Variants in ACOXL observed in about 807,000 individuals in gnomAD.
ACOXL encodes the protein acyl-coenzyme A oxidase-like protein.
ACOXL carries 70 observed loss-of-function variants against 71.9 expected under a neutral mutation model. The observed-to-expected ratio is 0.97, with a 90% CI of 0.80 to 1.19. The LOEUF (loss-of-function observed/expected upper bound fraction) is 1.19. Ranked by LOEUF, ACOXL falls within the 50% of genes most tolerant of loss-of-function variation. The probability of loss-of-function intolerance (pLI) is 0.00; values close to 1 mark genes in which losing one functional copy is unlikely to be tolerated. For synonymous variants in ACOXL, 253 were observed against 281.6 expected (o/e 0.90, Z 1.02); for missense variants, 703 against 736.3 (o/e 0.95, Z 0.52).
At chr2:110,909,838 A>G (rs996028013) in intron 11 of ACOXL, among the ~76,000 whole-genome samples, 1 of 151,292 alleles carries the variant, frequency 6.6e-6, no homozygotes, top group Non-Finnish European at 1.5e-5. Context: ...TGGCAAGTGG[A>G]ATGCCAGTGT....
chr2:110,941,405 G>A (rs2060863651), intron 12 of ACOXL, among the ~76,000 whole-genome samples: 1 of 152,250 alleles, frequency 6.6e-6, no homozygotes, highest in South Asian at 2.1e-4. Context: ...TCACTGGACA[G>A]CTGCTGACAT....
At chr2:111,075,298 T>A (rs1024259892) in intron 16 of ACOXL, among the ~76,000 whole-genome samples, 1 of 152,214 alleles carries the variant, frequency 6.6e-6, no homozygotes, top group African/African-American at 2.4e-5. Flanking sequence ...TGTTATGTAT[T>A]TCATTTCGTA....
chr2:111,113,096 G>A (rs1217481603), intron 17 of ACOXL: 1 of 152,206 alleles, frequency 6.6e-6, no homozygotes, highest in Non-Finnish European at 1.5e-5. Context: ...GTCTGCCACA[G>A]TGGTGGAGGC....
intron 9 of ACOXL, among the ~76,000 whole-genome samples, chr2:110,840,070 A>G (rs1010391076): frequency 2.6e-5 from 4 of 151,966 alleles, no homozygotes; most frequent in Non-Finnish European, 4.4e-5. Flanking sequence ...GCTCACTGCA[A>G]GCTCCACCTC....
intron 9 of ACOXL, among the ~76,000 whole-genome samples, chr2:110,808,731 T>C (rs567929666): frequency 6.6e-6 from 1 of 152,302 alleles, no homozygotes; most frequent in South Asian, 2.1e-4. Flanking sequence ...CTGTCCCTTC[T>C]TCAGAAAGGC....
At position 110,942,211 on chromosome 2, in the gene ACOXL, T is replaced by G. The variant is rs571868349; in HGVS notation, c.1059+8569T>G. Among the ~76,000 whole-genome samples the G allele has an allele frequency of 3.0e-4, 46 of 152,330 alleles. No homozygotes were observed. In the East Asian group the frequency reaches 5.4e-3, roughly 18 times the overall value. On this transcript the variant is annotated intron_variant, in intron 12 of 17. Coordinates refer to ENST00000439055, the MANE Select transcript of ACOXL (RefSeq NM_001142807.4). ...AGAAAACAAATAGCAAAATGGTATATTTAAACTTGACTATATTAATAAACA... is the reference window on the plus strand; with the variant it reads ...AGAAAACAAATAGCAAAATGGTATAGTTAAACTTGACTATATTAATAAACA...
intron 10 of ACOXL, among the ~76,000 whole-genome samples, chr2:110,846,641 G>GCGCGCA (rs148602789): frequency 3.3e-4 from 46 of 138,034 alleles, no homozygotes; most frequent in South Asian, 2.6e-3. Context: ...ATGCATACAC[G>GCGCGCA]CACACACACA....
intron 9 of ACOXL, among the ~76,000 whole-genome samples, chr2:110,827,614 C>T (rs995527116): frequency 6.6e-6 from 1 of 152,148 alleles, no homozygotes; most frequent in Non-Finnish European, 1.5e-5. Context: ...AAGGCAGCTC[C>T]TTAAGAAGCT....
In ACOXL at chr2:110,784,809, A is replaced by G. The variant is rs1191971906; in HGVS notation, c.153A>G (p.Gly51=). ...TCTCCATGGCGGACATGGCCACAGG[A>G]GTGAAGGTGAGAGGCGCCGGGCACC... is the stretch of plus-strand genomic sequence containing the variant. ...EVLSMADMAT[G]VKCGIIYWLF... is the part of the protein sequence containing the mutation. The change falls in exon 3 of 18, where the codon GGA becomes GGG. Residue 51 remains glycine, a synonymous_variant. Coordinates refer to ENST00000439055, the MANE Select transcript of ACOXL (RefSeq NM_001142807.4). The G allele has an allele frequency of 1.2e-5, 19 of 1,601,756 alleles. No homozygotes were observed. Among genetic ancestry groups the G allele is most frequent in the Non-Finnish European group, 1.5e-5 (18 of 1,175,972 alleles).
At chr2:110,933,674 C>T in intron 12 of ACOXL, 32 bp downstream of exon 12, 1 of 1,586,998 alleles carries the variant, frequency 6.3e-7, no homozygotes. Flanking sequence ...CCCCGTGGGT[C>T]CCCACGATAC....
intron 3 of ACOXL, among the ~76,000 whole-genome samples, chr2:110,792,259 C>A (rs1302595672): frequency 1.3e-5 from 2 of 152,146 alleles, no homozygotes; most frequent in African/African-American, 4.8e-5. Flanking sequence ...GGGAGGAGGG[C>A]TCCCCAGATG....
At chr2:110,956,420 A>G (rs2061503979) in intron 12 of ACOXL, among the ~76,000 whole-genome samples, 1 of 152,110 alleles carries the variant, frequency 6.6e-6, no homozygotes, top group African/African-American at 2.4e-5. Flanking sequence ...GGCAGCAGCG[A>G]TAGGGTCCCC....
intron 10 of ACOXL, among the ~76,000 whole-genome samples, chr2:110,901,195 A>T (rs146733692): frequency 6.0e-4 from 91 of 152,216 alleles, no homozygotes; most frequent in African/African-American, 2.1e-3. Context: ...CAGGTTTTTG[A>T]TCTGGCATGA....
At chr2:111,031,148 C>A (rs914044010) in intron 14 of ACOXL, among the ~76,000 whole-genome samples, 4 of 152,208 alleles carry the variant, frequency 2.6e-5, no homozygotes, top group Non-Finnish European at 5.9e-5. Context: ...ATATATCAAA[C>A]ATGGCAGCTA....
intron 12 of ACOXL, among the ~76,000 whole-genome samples, chr2:110,935,599 C>T (rs1033620818): frequency 6.6e-6 from 1 of 152,194 alleles, no homozygotes; most frequent in African/African-American, 2.4e-5. Flanking sequence ...GCTGGAATGC[C>T]AGCCCCCCAG....
At chr2:110,886,386 T>TC (rs1697297160) in intron 10 of ACOXL, among the ~76,000 whole-genome samples, 1 of 150,868 alleles carries the variant, frequency 6.6e-6, no homozygotes, top group Non-Finnish European at 1.5e-5. Context: ...TTTTCTTTTT[T>TC]TTTTTTTTTT....
At chr2:110,784,904 G>T in intron 3 of ACOXL, 89 bp downstream of exon 3, 1 of 1,213,994 alleles carries the variant, frequency 8.2e-7, no homozygotes, top group Non-Finnish European at 1.1e-6. Context: ...AGCTCTCTCA[G>T]TCTATGTAGT....
intron 9 of ACOXL, among the ~76,000 whole-genome samples, chr2:110,817,333 T>C (rs942873546): frequency 2.0e-5 from 3 of 152,236 alleles, no homozygotes; most frequent in African/African-American, 7.2e-5. Flanking sequence ...AATCACCTCA[T>C]GTGGGGCAGT....
At chr2:110,785,889 C>T (rs1683899874) in intron 3 of ACOXL, among the ~76,000 whole-genome samples, 1 of 152,216 alleles carries the variant, frequency 6.6e-6, no homozygotes, top group Non-Finnish European at 1.5e-5. Flanking sequence ...CCACCAACAG[C>T]ATGTAATCGG....
Sources: gnomAD v4.1 joint callset for allele counts (sites outside exome capture counted in the v4.1 genomes callset) on GRCh38, gnomAD v4.1.1 for gene constraint, MANE v1.5 for transcripts, NCBI Gene and HGNC (gene_info 2026-07-23, HGNC 2026-07-21) for gene names.